Variants in MED27 observed in about 807,000 individuals in gnomAD.
The protein encoded by MED27 is mediator of RNA polymerase II transcription subunit 27.
A neutral mutation model predicts 38.2 loss-of-function variants in MED27; 30 were observed. That is an observed-to-expected ratio of 0.79 (90% CI 0.59 to 1.07). MED27 has a LOEUF of 1.07. Among genes scored for constraint, MED27 ranks in the 50% least tolerant of loss-of-function variants. The pLI, the probability that MED27 is intolerant of heterozygous loss-of-function variation, is 0.00. For missense variants in MED27, 289 were observed against 397.5 expected (o/e 0.73, Z 2.32); for synonymous variants, 122 against 153.5 (o/e 0.79, Z 1.52).
At position 131,917,109 on chromosome 9, in the gene MED27, T is replaced by C. The variant is rs532334517; in HGVS notation, c.573+22272A>G. Among the ~76,000 whole-genome samples the C allele has an allele frequency of 7.2e-5, 11 of 152,086 alleles. No homozygotes were observed. Among genetic ancestry groups the C allele is most frequent in the African/African-American group, 2.7e-4 (11 of 41,478 alleles). On this transcript the variant is annotated intron_variant, in intron 4 of 7. Transcript: ENST00000292035. This position sits in a 1 kb window ranked among gnomAD's most constrained non-coding sequence, Gnocchi z 4.6. ...CTTGTTCCTAAGGAGCCCCTGGAAA[T>C]GGGAAGGTATTTTTGCTTGTCACAG...
intron 3 of MED27, among the ~76,000 whole-genome samples, chr9:131,965,141 A>C (rs953972834): frequency 1.3e-5 from 2 of 152,228 alleles, no homozygotes; most frequent in Non-Finnish European, 2.9e-5. Context: ...CCTCATTCCC[A>C]AATGGTTAGG....
At chr9:131,993,231 T>G (rs921950049) in intron 3 of MED27, among the ~76,000 whole-genome samples, 1 of 28,656 alleles carries the variant, frequency 3.5e-5, no homozygotes, top group Non-Finnish European at 1.4e-4. Context: ...GTTATTCATG[T>G]TTTTTTTTTT....
chr9:132,071,796 T>G (rs1833945977), intron 2 of MED27, among the ~76,000 whole-genome samples: 1 of 146,394 alleles, frequency 6.8e-6, no homozygotes, highest in African/African-American at 2.6e-5. Flanking sequence ...CGAGCACACA[T>G]GCATACGAGT....
At chr9:132,078,578 G>A (rs1177102217) in intron 1 of MED27, among the ~76,000 whole-genome samples, 1 of 152,022 alleles carries the variant, frequency 6.6e-6, no homozygotes, top group East Asian at 1.9e-4. Flanking sequence ...CAACTACTTA[G>A]GGGGAAAACA....
At chr9:131,894,830 G>C (rs1009575277) in intron 4 of MED27, among the ~76,000 whole-genome samples, 2 of 152,072 alleles carry the variant, frequency 1.3e-5, no homozygotes, top group South Asian at 2.1e-4. Context: ...GGGGCCTAGT[G>C]GGGGGTGTTT....
At chr9:132,036,496 C>G (rs767162986) in intron 2 of MED27, among the ~76,000 whole-genome samples, 4 of 152,252 alleles carry the variant, frequency 2.6e-5, no homozygotes, top group Non-Finnish European at 4.4e-5. Flanking sequence ...GCCACTGCGT[C>G]TGGCCGTTAA....
chr9:132,048,036 A>G (rs1833380229), intron 2 of MED27, among the ~76,000 whole-genome samples: 1 of 152,198 alleles, frequency 6.6e-6, no homozygotes, highest in Non-Finnish European at 1.5e-5. Flanking sequence ...AAAAAATTCA[A>G]AAACTGCAAC....
intron 3 of MED27, among the ~76,000 whole-genome samples, chr9:131,952,952 G>C (rs955430061): frequency 2.0e-5 from 3 of 152,170 alleles, no homozygotes; most frequent in Admixed American, 6.5e-5. Context: ...AGAACAAAAA[G>C]TTCTTCCTAA....
At chr9:132,053,628 G>A (rs770495673) in intron 2 of MED27, among the ~76,000 whole-genome samples, 2 of 152,156 alleles carry the variant, frequency 1.3e-5, no homozygotes, top group African/African-American at 2.4e-5. Flanking sequence ...GAGTCACACC[G>A]CTGGGAAACA....
In MED27 at chr9:132,030,680, T is replaced by C. The variant is rs985857230; in HGVS notation, c.349-16213A>G. Among the ~76,000 whole-genome samples, 14 of 152,322 alleles carry C rather than the reference T, an allele frequency of 9.2e-5. No individual in the cohort carries two copies. In the East Asian group the frequency reaches 2.7e-3, roughly 29 times the overall value. On this transcript the variant is annotated intron_variant, in intron 2 of 7. Transcript: ENST00000292035. ...AAAATATAGACCCATTAAATCAAAATGTGCTTTTTGAAATACAAAGATGCT... is the reference window on the plus strand; with the variant it reads ...AAAATATAGACCCATTAAATCAAAACGTGCTTTTTGAAATACAAAGATGCT...
chr9:132,039,415 T>C (rs968914977), intron 2 of MED27, among the ~76,000 whole-genome samples: 3 of 152,158 alleles, frequency 2.0e-5, no homozygotes, highest in Non-Finnish European at 2.9e-5. Flanking sequence ...GGACTAGATG[T>C]GTTAATTCAC....
At chr9:131,992,310 T>TGA (rs1589253908) in intron 3 of MED27, among the ~76,000 whole-genome samples, 1 of 152,222 alleles carries the variant, frequency 6.6e-6, no homozygotes, top group East Asian at 1.9e-4. Context: ...CTTTGAGATG[T>TGA]GAACATGGAA....
At chr9:131,952,423 GGCA>G (rs895051446) in intron 3 of MED27, among the ~76,000 whole-genome samples, 50 of 152,250 alleles carry the variant, frequency 3.3e-4, no homozygotes, top group African/African-American at 1.1e-3. Context: ...GCGGCAGGGG[GGCA>G]GCAGCAGCTA....
intron 3 of MED27, among the ~76,000 whole-genome samples, chr9:132,012,804 G>A (rs894023572): frequency 2.6e-5 from 4 of 152,058 alleles, no homozygotes; most frequent in Non-Finnish European, 4.4e-5. Flanking sequence ...TCCCACCCCC[G>A]AAATGAAAAG....
chr9:131,973,757 T>G (rs538512949), intron 3 of MED27, among the ~76,000 whole-genome samples: 4 of 152,104 alleles, frequency 2.6e-5, no homozygotes, highest in Admixed American at 6.5e-5. Flanking sequence ...GCCCAGGCTG[T>G]AGTGCAGTGG....
intron 6 of MED27, among the ~76,000 whole-genome samples, chr9:131,877,101 G>A (rs1382103662): frequency 6.6e-6 from 1 of 152,176 alleles, no homozygotes; most frequent in African/African-American, 2.4e-5. Context: ...CTCTGAGTGT[G>A]GGGGTCTCAC....
intron 2 of MED27, among the ~76,000 whole-genome samples, chr9:132,045,095 T>C (rs1345323548): frequency 2.6e-5 from 4 of 151,496 alleles, no homozygotes; most frequent in Non-Finnish European, 5.9e-5. Flanking sequence ...AAAAAGAAAA[T>C]ATAACAAAAT....
chr9:131,890,429 C>T (rs1042132742), intron 5 of MED27, among the ~76,000 whole-genome samples: 16 of 152,206 alleles, frequency 1.1e-4, no homozygotes, highest in African/African-American at 2.7e-4. Context: ...CATTTTCCTT[C>T]GGAGAAAGAG....
intron 2 of MED27, among the ~76,000 whole-genome samples, chr9:132,064,670 A>T (rs1396729687): frequency 6.6e-6 from 1 of 152,250 alleles, no homozygotes; most frequent in Non-Finnish European, 1.5e-5. Flanking sequence ...CTAACAATAC[A>T]TTTGCACTAA....
Sources: allele counts gnomAD v4.1 joint callset (sites outside exome capture counted in the v4.1 genomes callset), GRCh38; gene constraint gnomAD v4.1.1; non-coding constraint Gnocchi (gnomAD v3.1); transcripts MANE v1.5; gene names NCBI Gene and HGNC (gene_info 2026-07-23, HGNC 2026-07-21).